Variants in HS6ST3 observed in about 807,000 individuals in gnomAD.
HS6ST3 encodes heparan-sulfate 6-O-sulfotransferase 3.
HS6ST3 carries 12 observed loss-of-function variants against 36.7 expected under a neutral mutation model. The observed-to-expected ratio is 0.33, with a 90% CI of 0.21 to 0.53. The LOEUF (loss-of-function observed/expected upper bound fraction) is 0.53, where lower values mean the gene tolerates loss of function less well. Among genes scored for constraint, HS6ST3 ranks in the 20% least tolerant of loss-of-function variants. The pLI is 0.95. For missense variants in HS6ST3, 584 were observed against 640.9 expected (o/e 0.91, Z 0.96); for synonymous variants, 240 against 257.5 (o/e 0.93, Z 0.65).
rs59107741 is a variant in HS6ST3, at chr13:96,112,578, AATATATATATATATATATATATATATAT to A, written c.707+21026_707+21053del. 3.0e-3 allele frequency among the ~76,000 whole-genome samples: 247 copies of A among 81,246 alleles called. 9 individuals carry two copies. Among genetic ancestry groups the A allele is most frequent in the Admixed American group, 0.011 (66 of 6,132 alleles). 53.3% of individuals were successfully genotyped at this position (81,246 alleles called of 152,430 possible). A position where few individuals can be genotyped will look rare whatever the true frequency, so the allele number is the denominator to read the frequency against. ...TAAAACCCCATCTCTAAAATAAATAAATATATATATATATATATATATATATATATATATATATATATATGCCCGGCTG... is the reference window on the plus strand; with the variant it reads ...TAAAACCCCATCTCTAAAATAAATAAATATATATATATATATGCCCGGCTG... On this transcript the variant is annotated intron_variant, in intron 1 of 1. Coordinates refer to ENST00000376705, the MANE Select transcript of HS6ST3 (RefSeq NM_153456.4).
intron 1 of HS6ST3, among the ~76,000 whole-genome samples, chr13:96,410,374 A>T (rs927808830): frequency 6.6e-6 from 1 of 152,186 alleles, no homozygotes; most frequent in Non-Finnish European, 1.5e-5. Flanking sequence ...AGGAAATACA[A>T]TTGACAACAA....
chr13:96,646,591 A>C (rs2056589237), intron 1 of HS6ST3, among the ~76,000 whole-genome samples: 1 of 152,052 alleles, frequency 6.6e-6, no homozygotes. Context: ...TAATTCAATT[A>C]GGTGAATCTG....
chr13:96,819,555 G>C (rs1205046393), intron 1 of HS6ST3, among the ~76,000 whole-genome samples: 1 of 152,150 alleles, frequency 6.6e-6, no homozygotes, highest in Non-Finnish European at 1.5e-5. Context: ...AAATAAGACG[G>C]TGTTGGGTAG....
intron 1 of HS6ST3, among the ~76,000 whole-genome samples, chr13:96,625,832 T>A (rs2056510206): frequency 6.6e-6 from 1 of 151,826 alleles, no homozygotes; most frequent in African/African-American, 2.4e-5. Context: ...TAAAGAGAAA[T>A]TCTTCTTCTT....
chr13:96,713,292 G>A (rs1594842830), intron 1 of HS6ST3, among the ~76,000 whole-genome samples: 2 of 152,270 alleles, frequency 1.3e-5, no homozygotes, highest in East Asian at 3.9e-4. Context: ...AACTGCTTTT[G>A]AGGCTCTTTG....
intron 1 of HS6ST3, among the ~76,000 whole-genome samples, chr13:96,744,100 A>G (rs754560142): frequency 3.9e-5 from 6 of 152,064 alleles, no homozygotes. Flanking sequence ...AAACATGTAA[A>G]ATGTGAGTTT....
chr13:96,658,394 C>T (rs2056634496), intron 1 of HS6ST3, among the ~76,000 whole-genome samples: 1 of 149,736 alleles, frequency 6.7e-6, no homozygotes, highest in African/African-American at 2.5e-5. Flanking sequence ...GATTCTTCTG[C>T]CTCAGCCTCC....
At chr13:96,364,771 G>A (rs549145410) in intron 1 of HS6ST3, among the ~76,000 whole-genome samples, 2 of 152,222 alleles carry the variant, frequency 1.3e-5, no homozygotes, top group African/African-American at 4.8e-5. Flanking sequence ...TTTGTGTTAT[G>A]TATGTTTTAC....
At chr13:96,662,202 C>A (rs1244104332) in intron 1 of HS6ST3, among the ~76,000 whole-genome samples, 1 of 152,096 alleles carries the variant, frequency 6.6e-6, no homozygotes, top group African/African-American at 2.4e-5. Flanking sequence ...CAAACTTTTT[C>A]CTTTTTCTTC....
chr13:96,730,649 C>T (rs2138476381), intron 1 of HS6ST3, among the ~76,000 whole-genome samples: 1 of 152,300 alleles, frequency 6.6e-6, no homozygotes, highest in South Asian at 2.1e-4. Flanking sequence ...CTCCCTGCAG[C>T]CTTGACCTCC....
intron 1 of HS6ST3, among the ~76,000 whole-genome samples, chr13:96,139,541 G>GAAAAAAAAA (rs57777280): frequency 4.5e-5 from 3 of 66,264 alleles, no homozygotes; most frequent in Admixed American, 2.3e-4. Context: ...GTAAGATTCA[G>GAAAAAAAAA]AAAAAAAAAA....
chr13:96,238,783 G>A (rs1211455844), intron 1 of HS6ST3, among the ~76,000 whole-genome samples: 5 of 152,170 alleles, frequency 3.3e-5, no homozygotes, highest in South Asian at 2.1e-4. Flanking sequence ...AGTCGATAGC[G>A]TGCTTTCAAT....
chr13:96,254,999 A>C (rs1411143305), intron 1 of HS6ST3, among the ~76,000 whole-genome samples: 2 of 152,234 alleles, frequency 1.3e-5, no homozygotes, highest in African/African-American at 2.4e-5. Context: ...TTGTAAAATG[A>C]ACGCGTCAGA....
At chr13:96,583,376 A>T (rs2056349462) in intron 1 of HS6ST3, among the ~76,000 whole-genome samples, 1 of 150,756 alleles carries the variant, frequency 6.6e-6, no homozygotes, top group South Asian at 2.1e-4. Context: ...ACCACACCTG[A>T]CTAGCTTTTG....
At chr13:96,473,663 T>G (rs1276936626) in intron 1 of HS6ST3, among the ~76,000 whole-genome samples, 1 of 152,152 alleles carries the variant, frequency 6.6e-6, no homozygotes, top group African/African-American at 2.4e-5. Context: ...GACTTACACT[T>G]CCTGGCTTTT....
chr13:96,161,593 A>G (rs746872612), intron 1 of HS6ST3, among the ~76,000 whole-genome samples: 1 of 152,196 alleles, frequency 6.6e-6, no homozygotes, highest in Non-Finnish European at 1.5e-5. Flanking sequence ...ACTAAACTCA[A>G]TGATCAGGCC....
At chr13:96,696,102 A>T (rs1875119460) in intron 1 of HS6ST3, among the ~76,000 whole-genome samples, 1 of 152,208 alleles carries the variant, frequency 6.6e-6, no homozygotes, top group East Asian at 1.9e-4. Context: ...ATATGTATTA[A>T]GAAATGTATT....
chr13:96,764,765 A>G (rs1877057895), intron 1 of HS6ST3, among the ~76,000 whole-genome samples: 1 of 151,386 alleles, frequency 6.6e-6, no homozygotes, highest in African/African-American at 2.4e-5. Flanking sequence ...CATATTTTCA[A>G]CTCTCTGGGA....
chr13:96,526,723 A>C (rs1442725630), intron 1 of HS6ST3, among the ~76,000 whole-genome samples: 2 of 152,274 alleles, frequency 1.3e-5, no homozygotes, highest in African/African-American at 4.8e-5. Context: ...AATGTTCATA[A>C]GTTTTTCTTC....
Sources: allele counts gnomAD v4.1 joint callset (sites outside exome capture counted in the v4.1 genomes callset), GRCh38; gene constraint gnomAD v4.1.1; transcripts MANE v1.5; gene names NCBI Gene and HGNC (gene_info 2026-07-23, HGNC 2026-07-21).